MRC2: variants seen among roughly 807,000 people sequenced by gnomAD.
The protein encoded by MRC2 is C-type mannose receptor 2.
Under a neutral mutation model 206.2 loss-of-function variants are expected in MRC2, and 84 were observed. The ratio of observed to expected loss-of-function variants is 0.41; its 90% CI spans 0.34 to 0.49. The LOEUF is 0.49. Among genes scored for constraint, MRC2 ranks in the 20% least tolerant of loss-of-function variants. The pLI is 0.31. For synonymous variants in MRC2, 798 were observed against 800.0 expected (o/e 1.00, Z 0.04); for missense variants, 1,676 against 2,001.5 (o/e 0.84, Z 3.10).
At chr17:62,647,793 G>A (rs1209458121) in intron 1 of MRC2, among the ~76,000 whole-genome samples, 1 of 152,146 alleles carries the variant, frequency 6.6e-6, no homozygotes, top group Non-Finnish European at 1.5e-5. Context: ...CCAGCAAAAA[G>A]GTTGCCCCAC....
rs1423676543 is a variant in MRC2, at chr17:62,664,539, C to T, written c.119-9C>T. 1.2e-6 allele frequency: 2 copies of T among 1,600,476 alleles called. No individual in the cohort carries two copies. The highest frequency in any genetic ancestry group is 2.3e-5 in the South Asian group (2 of 88,818). On this transcript the variant is annotated splice_polypyrimidine_tract_variant and intron_variant, in intron 1 of 29. Transcript: ENST00000303375. The surrounding 1 kb of genome is among the most constrained non-coding windows in gnomAD (Gnocchi z 4.7). ...CTGTGATGCCTTCGTGTCTTGCCTT[C>T]CCTTCCAGAACCCAACGTCTTCCTC...
At chr17:62,640,394 C>T (rs1431696459) in intron 1 of MRC2, among the ~76,000 whole-genome samples, 4 of 152,110 alleles carry the variant, frequency 2.6e-5, no homozygotes, top group Non-Finnish European at 5.9e-5. Flanking sequence ...CTGCCAACAC[C>T]GTGGTGAGCA....
At chr17:62,687,134 T>G (rs2089041580) in intron 20 of MRC2, among the ~76,000 whole-genome samples, 1 of 151,920 alleles carries the variant, frequency 6.6e-6, no homozygotes, top group South Asian at 2.1e-4. Context: ...CCCCTGTCTT[T>G]ATGACTCCAA....
At chr17:62,630,518 T>A (rs1029069041) in intron 1 of MRC2, among the ~76,000 whole-genome samples, 7 of 151,974 alleles carry the variant, frequency 4.6e-5, no homozygotes, top group Non-Finnish European at 7.4e-5. Context: ...CTTCTGGGGA[T>A]GATGTGGAAG....
chr17:62,629,335 C>T (rs1206101253), intron 1 of MRC2, among the ~76,000 whole-genome samples: 1 of 152,206 alleles, frequency 6.6e-6, no homozygotes, highest in Non-Finnish European at 1.5e-5. Flanking sequence ...AGTGCTGACT[C>T]GGCCTTTCCC....
intron 1 of MRC2, among the ~76,000 whole-genome samples, chr17:62,653,191 G>A (rs1489688495): frequency 6.6e-6 from 1 of 152,188 alleles, no homozygotes; most frequent in Non-Finnish European, 1.5e-5. Context: ...CGGCAAGGGG[G>A]GCCTGGGGGA....
In MRC2 at chr17:62,690,592, G is replaced by GC. The variant is rs11357719; in HGVS notation, c.3893-42dup. 6 of 1,533,026 alleles carry GC rather than the reference G, an allele frequency of 3.9e-6. No homozygotes were observed. The African/African-American group carries it at 5.5e-5, about 14-fold the overall frequency. 95.0% of individuals were successfully genotyped at this position (1,533,026 alleles called of 1,614,324 possible). ...GGCTGGAGCAGCTCTGGGGGACTCTGCCCCCCCCGGAGACCCATCCGCCCT... is the reference window on the plus strand; with the variant it reads ...GGCTGGAGCAGCTCTGGGGGACTCTGCCCCCCCCCGGAGACCCATCCGCCCT... On this transcript the variant is annotated intron_variant, in intron 26 of 29. Coordinates refer to ENST00000303375, the MANE Select transcript of MRC2 (RefSeq NM_006039.5).
In MRC2 at chr17:62,692,560, C is replaced by T; in HGVS notation, c.*109C>T. ...TCCAGTTGGCCTATGGAAGGGTGCC[C>T]TTGGGAGTCGCTGTTGGGAGCCGGA... On this transcript the variant is annotated 3_prime_UTR_variant, in exon 30 of 30. Transcript: ENST00000303375. The surrounding 1 kb of genome is among the most constrained non-coding windows in gnomAD (Gnocchi z 4.2). 1 of 1,152,254 alleles carries T rather than the reference C, an allele frequency of 8.7e-7. No homozygotes were observed. Among genetic ancestry groups the T allele is most frequent in the South Asian group, 1.5e-5 (1 of 66,508 alleles). The allele number at this position is 1,152,254 out of a possible 1,614,324, so 71.4% of individuals were successfully genotyped here.
rs1039168873 is a variant in MRC2, at chr17:62,645,989, A to G, written c.118+18069A>G. 5.5e-5 allele frequency among the ~76,000 whole-genome samples: 8 copies of G among 146,230 alleles called. No individual in the cohort carries two copies. The East Asian group carries it at 6.0e-4, about 11-fold the overall frequency. On this transcript the variant is annotated intron_variant, in intron 1 of 29. Transcript: ENST00000303375. ...GTGAGTGGACCATAACTTATCCCCT[A>G]TTGGACATTTAGGTCATTTCTCTGT...
intron 1 of MRC2, among the ~76,000 whole-genome samples, chr17:62,656,903 C>T (rs1436421730): frequency 6.6e-6 from 1 of 152,192 alleles, no homozygotes; most frequent in Non-Finnish European, 1.5e-5. Context: ...TTTCACTCTG[C>T]TTCTCTTTAT....
chr17:62,674,268 TCGCCC>T, intron 9 of MRC2, 98 bp downstream of exon 9: 1 of 848,634 alleles, frequency 1.2e-6, no homozygotes, highest in Non-Finnish European at 1.8e-6. Flanking sequence ...TCGCATGGCA[TCGCCC>T]TCTCGTCGGC....
intron 20 of MRC2, among the ~76,000 whole-genome samples, chr17:62,684,567 T>C (rs1279035523): frequency 1.3e-5 from 2 of 152,138 alleles, no homozygotes; most frequent in Non-Finnish European, 2.9e-5. Flanking sequence ...CACAGGCTGA[T>C]TTATTAGACC....
At chr17:62,631,664 G>A (rs912836410) in intron 1 of MRC2, among the ~76,000 whole-genome samples, 1 of 152,064 alleles carries the variant, frequency 6.6e-6, no homozygotes, top group African/African-American at 2.4e-5. Context: ...ACATGTCAGC[G>A]GTCTGGGCGC....
At chr17:62,681,011 G>T in intron 17 of MRC2, 51 bp downstream of exon 17, 1 of 1,612,340 alleles carries the variant, frequency 6.2e-7, no homozygotes, top group Non-Finnish European at 8.5e-7. Flanking sequence ...GGCAGGCCCG[G>T]GATGAGGGCA....
chr17:62,690,254 C>T lies in MRC2; in HGVS notation c.3841C>T (p.His1281Tyr), dbSNP rs1417637404. 6.2e-7 allele frequency: 1 copy of T among 1,613,126 alleles called. No individual in the cohort carries two copies. The highest frequency in any genetic ancestry group is 8.5e-7 in the Non-Finnish European group (1 of 1,179,548). ...CTTCCGGGAGCACTGCTATTCTTTC[C>T]ACATGGAGCTGCTGCTGGGCCACAA... ...IPFREHCYSF[H>Y]MELLLGHKEA... The change falls in exon 26 of 30, where the codon CAC (histidine) becomes TAC (tyrosine). Residue 1281 changes from histidine (H) to tyrosine (Y), a missense_variant. Transcript: ENST00000303375.
rs368035350 is a variant in MRC2 at position 62,671,776 on chromosome 17, C to T, written c.1245C>T (p.Gly415=). The part of the protein sequence containing the change: ...ESKKACLRGG[G]DLVSIHSMAE... ...AGAAGGCATGTCTACGGGGCGGTGG[C>T]GACCTGGTCAGCATCCACAGCATGG... Residue 415 remains glycine (G), a synonymous_variant, in exon 7 of 30, where the codon GGC becomes GGT. Coordinates refer to ENST00000303375, the MANE Select transcript of MRC2 (RefSeq NM_006039.5). The surrounding 1 kb of genome is among the most constrained non-coding windows in gnomAD (Gnocchi z 4.5). The T allele has an allele frequency of 1.1e-5, 18 of 1,612,264 alleles. No individual in the cohort carries two copies. The highest frequency in any genetic ancestry group is 4.5e-5 in the East Asian group (2 of 44,860).
chr17:62,682,043 C>T, intron 19 of MRC2, 106 bp downstream of exon 19: 4 of 1,186,058 alleles, frequency 3.4e-6, no homozygotes, highest in Non-Finnish European at 4.8e-6. Flanking sequence ...TTTGTTCCCA[C>T]AACCCAATAA....
intron 2 of MRC2, 117 bp downstream of exon 2, chr17:62,665,066 A>G: frequency 1.8e-6 from 2 of 1,113,682 alleles, no homozygotes; most frequent in Non-Finnish European, 2.5e-6. Context: ...TGGCAGTCAC[A>G]TGTTTAATTA....
Position 62,692,622 on chromosome 17 carries a change from C to A in MRC2, c.*171C>A. On this transcript the variant is annotated 3_prime_UTR_variant, in exon 30 of 30. Coordinates refer to ENST00000303375, the MANE Select transcript of MRC2 (RefSeq NM_006039.5). The surrounding 1 kb of genome is among the most constrained non-coding windows in gnomAD (Gnocchi z 4.2). ...CCTGGGCTGGTGGGGTGCCACCCTC[C>A]CACAAGGGCTGGGCTGAGACCCAGC... The A allele has an allele frequency of 1.5e-6, 1 of 675,396 alleles. No individual in the cohort carries two copies. The highest frequency in any genetic ancestry group is 2.5e-6 in the Non-Finnish European group (1 of 404,952). The allele number at this position is 675,396 out of a possible 1,614,324, so 41.8% of individuals were successfully genotyped here. A position where few individuals can be genotyped will look rare whatever the true frequency, so the allele number is the denominator to read the frequency against.
Sources: allele counts gnomAD v4.1 joint callset (sites outside exome capture counted in the v4.1 genomes callset), GRCh38; gene constraint gnomAD v4.1.1; non-coding constraint Gnocchi (gnomAD v3.1); transcripts MANE v1.5; gene names NCBI Gene and HGNC (gene_info 2026-07-23, HGNC 2026-07-21).